SLC9A9: variants seen among roughly 807,000 people sequenced by gnomAD.
SLC9A9 encodes sodium/hydrogen exchanger 9.
In SLC9A9, 62 loss-of-function variants were observed where a neutral mutation model predicts 77.8. That is an observed-to-expected ratio of 0.80 (90% CI 0.65 to 0.98). The LOEUF (loss-of-function observed/expected upper bound fraction) is 0.98. Among genes scored for constraint, SLC9A9 ranks in the 50% least tolerant of loss-of-function variants. The pLI, the probability that SLC9A9 is intolerant of heterozygous loss-of-function variation, is 0.00. For synonymous variants in SLC9A9, 320 were observed against 283.5 expected (o/e 1.13, Z -1.29); for missense variants, 775 against 774.9 (o/e 1.00, Z 0.00).
At chr3:143,662,369 A>T (rs2038991471) in intron 5 of SLC9A9, among the ~76,000 whole-genome samples, 1 of 152,268 alleles carries the variant, frequency 6.6e-6, no homozygotes, top group African/African-American at 2.4e-5. Context: ...GCTCCAGTCT[A>T]CAGCTCCCAG....
chr3:143,299,397 T>C (rs2030420287), intron 14 of SLC9A9, among the ~76,000 whole-genome samples: 1 of 151,988 alleles, frequency 6.6e-6, no homozygotes, highest in Non-Finnish European at 1.5e-5. Context: ...CTGGCAACCA[T>C]CAGATTCACT....
At chr3:143,682,519 T>G (rs1933134178) in intron 5 of SLC9A9, among the ~76,000 whole-genome samples, 1 of 152,128 alleles carries the variant, frequency 6.6e-6, no homozygotes, top group Admixed American at 6.6e-5. Context: ...ACTATATATT[T>G]TATAATATTT....
At chr3:143,565,741 C>T (rs1161109448) in intron 8 of SLC9A9, among the ~76,000 whole-genome samples, 1 of 151,542 alleles carries the variant, frequency 6.6e-6, no homozygotes, top group African/African-American at 2.4e-5. Flanking sequence ...TTGGAAAACA[C>T]TCACTTCACC....
At chr3:143,376,082 G>A (rs2033174985) in intron 13 of SLC9A9, among the ~76,000 whole-genome samples, 1 of 152,142 alleles carries the variant, frequency 6.6e-6, no homozygotes, top group South Asian at 2.1e-4. Context: ...CTGCTGCACT[G>A]TGAGTGAAGG....
intron 12 of SLC9A9, among the ~76,000 whole-genome samples, chr3:143,403,920 T>A (rs149297434): frequency 1.3e-5 from 2 of 152,288 alleles, no homozygotes; most frequent in East Asian, 3.9e-4. Flanking sequence ...TTTCTGCCCT[T>A]TCTCTTCTCC....
intron 4 of SLC9A9, among the ~76,000 whole-genome samples, chr3:143,733,060 AT>A (rs1934849124): frequency 6.6e-6 from 1 of 152,052 alleles, no homozygotes; most frequent in African/African-American, 2.4e-5. Context: ...TTCCCAAGTA[AT>A]TTCTTTCATG....
intron 13 of SLC9A9, among the ~76,000 whole-genome samples, chr3:143,374,191 C>T (rs925038376): frequency 3.3e-5 from 5 of 151,772 alleles, no homozygotes; most frequent in African/African-American, 7.3e-5. Flanking sequence ...TTTGGGAGGC[C>T]GAGGTGGGCG....
chr3:143,650,139 G>A (rs746633475), intron 6 of SLC9A9, among the ~76,000 whole-genome samples: 2 of 152,200 alleles, frequency 1.3e-5, no homozygotes, highest in Non-Finnish European at 2.9e-5. Context: ...TTTGTTCAAA[G>A]GCATCGAGAT....
At chr3:143,525,588 T>C (rs1210359832) in intron 9 of SLC9A9, among the ~76,000 whole-genome samples, 1 of 152,204 alleles carries the variant, frequency 6.6e-6, no homozygotes, top group Non-Finnish European at 1.5e-5. Flanking sequence ...TCATTTACTC[T>C]GGAAATAGCA....
intron 4 of SLC9A9, among the ~76,000 whole-genome samples, chr3:143,730,948 T>C (rs542136553): frequency 2.0e-4 from 31 of 152,238 alleles, no homozygotes; most frequent in Non-Finnish European, 4.1e-4. Flanking sequence ...CTTATTTTTC[T>C]GCTCTGCTTT....
intron 12 of SLC9A9, among the ~76,000 whole-genome samples, chr3:143,416,585 T>A (rs1166334500): frequency 6.6e-6 from 1 of 152,146 alleles, no homozygotes; most frequent in Non-Finnish European, 1.5e-5. Context: ...GGTCTGGATA[T>A]ATATATTTTT....
intron 12 of SLC9A9, among the ~76,000 whole-genome samples, chr3:143,394,413 T>C (rs2033647357): frequency 6.6e-6 from 1 of 152,168 alleles, no homozygotes; most frequent in Admixed American, 6.5e-5. Flanking sequence ...CTCTTCATGC[T>C]AAAAACTCTC....
intron 4 of SLC9A9, among the ~76,000 whole-genome samples, chr3:143,785,336 A>G (rs1451485226): frequency 6.6e-6 from 1 of 152,228 alleles, no homozygotes; most frequent in African/African-American, 2.4e-5. Flanking sequence ...TGTGAGCACC[A>G]TATGAAGAAG....
At chr3:143,282,265 A>G (rs1938243459) in intron 14 of SLC9A9, among the ~76,000 whole-genome samples, 1 of 152,128 alleles carries the variant, frequency 6.6e-6, no homozygotes, top group South Asian at 2.1e-4. Flanking sequence ...TACCCCCCCA[A>G]ACCCACAACC....
At chr3:143,558,258 C>A (rs1241992919) in intron 8 of SLC9A9, among the ~76,000 whole-genome samples, 1 of 152,178 alleles carries the variant, frequency 6.6e-6, no homozygotes, top group Non-Finnish European at 1.5e-5. Flanking sequence ...CATGGAGAAC[C>A]TCTGCTAGGG....
intron 6 of SLC9A9, among the ~76,000 whole-genome samples, chr3:143,636,167 T>G (rs567838924): frequency 2.0e-5 from 3 of 152,318 alleles, no homozygotes; most frequent in Non-Finnish European, 4.4e-5. Context: ...TGTGGTGTCT[T>G]TTTGGTCCTT....
chr3:143,665,184 C>A (rs146536016), intron 5 of SLC9A9, among the ~76,000 whole-genome samples: 1 of 152,208 alleles, frequency 6.6e-6, no homozygotes, highest in African/African-American at 2.4e-5. Context: ...AAGAAACTCA[C>A]TCAAAACCGC....
intron 2 of SLC9A9, among the ~76,000 whole-genome samples, chr3:143,810,819 T>C (rs2008845244): frequency 6.6e-6 from 1 of 152,144 alleles, no homozygotes; most frequent in Non-Finnish European, 1.5e-5. Flanking sequence ...CACTTGAAGA[T>C]ATATTATAGA....
chr3:143,714,244 C>T lies in SLC9A9; in HGVS notation c.534-20937G>A, dbSNP rs1934273139. 3.9e-5 allele frequency among the ~76,000 whole-genome samples: 6 copies of T among 152,090 alleles called. 1 individual carries two copies. The highest frequency in any genetic ancestry group is 3.9e-4 in the Admixed American group (6 of 15,264). Reference sequence around the variant, plus strand: ...GATCCTTTTCTGGCTTTGAGGAGGACCTGCAGGTACCTCAAACTCACCACC... The same window carrying T: ...GATCCTTTTCTGGCTTTGAGGAGGATCTGCAGGTACCTCAAACTCACCACC... On this transcript the variant is annotated intron_variant, in intron 4 of 15. Transcript: ENST00000316549.
Sources: allele counts gnomAD v4.1 joint callset (sites outside exome capture counted in the v4.1 genomes callset), GRCh38; gene constraint gnomAD v4.1.1; transcripts MANE v1.5; gene names NCBI Gene and HGNC (gene_info 2026-07-23, HGNC 2026-07-21).